The following NELL1 variants were observed in gnomAD, a reference collection of about 807,000 sequenced individuals.
NELL1 encodes neural EGFL like 1, also known as protein kinase C-binding protein NELL1.
Under a neutral mutation model 107.4 loss-of-function variants are expected in NELL1, and 76 were observed. The ratio of observed to expected loss-of-function variants is 0.71; its 90% CI spans 0.59 to 0.86. The LOEUF (loss-of-function observed/expected upper bound fraction) is 0.86. Ranked by LOEUF, NELL1 falls within the 40% of genes least tolerant of loss-of-function variation. The pLI is 0.00. For synonymous variants in NELL1, 353 were observed against 341.2 expected, an observed-to-expected ratio of 1.03 and a Z score of -0.38; for missense variants, 1,024 against 1,005.5, an observed-to-expected ratio of 1.02 and a Z score of -0.25.
intron 13 of NELL1, among the ~76,000 whole-genome samples, chr11:21,194,795 T>C (rs1288298710): frequency 6.6e-6 from 1 of 152,146 alleles, no homozygotes; most frequent in Non-Finnish European, 1.5e-5. Flanking sequence ...GGTAAACTGT[T>C]GAGGATGCAC....
intron 15 of NELL1, among the ~76,000 whole-genome samples, chr11:21,444,989 C>G (rs1488963151): frequency 6.6e-6 from 1 of 152,046 alleles, no homozygotes; most frequent in East Asian, 1.9e-4. Flanking sequence ...CCTTATAACC[C>G]ATTATTTTAA....
intron 15 of NELL1, among the ~76,000 whole-genome samples, chr11:21,490,986 A>C (rs1854792128): frequency 6.6e-6 from 1 of 152,174 alleles, no homozygotes; most frequent in African/African-American, 2.4e-5. Context: ...ATACAGCAAA[A>C]GAAACAATCA....
At chr11:20,910,231 A>G (rs1390345758) in intron 5 of NELL1, among the ~76,000 whole-genome samples, 6 of 152,152 alleles carry the variant, frequency 3.9e-5, no homozygotes, top group African/African-American at 2.4e-5. Context: ...CAATGTTTCA[A>G]GGTAGAGTAG....
intron 13 of NELL1, among the ~76,000 whole-genome samples, chr11:21,145,144 T>C (rs897294322): frequency 2.6e-5 from 4 of 152,170 alleles, no homozygotes; most frequent in Non-Finnish European, 5.9e-5. Flanking sequence ...ACTACTATTA[T>C]CATTTCTTGT....
intron 15 of NELL1, among the ~76,000 whole-genome samples, chr11:21,433,473 G>A (rs775020286): frequency 6.6e-6 from 1 of 152,070 alleles, no homozygotes; most frequent in Non-Finnish European, 1.5e-5. Context: ...AATAATGGCT[G>A]TATTAATTTA....
chr11:21,403,000 A>AACTGT (rs1852135731), intron 15 of NELL1, among the ~76,000 whole-genome samples: 1 of 151,730 alleles, frequency 6.6e-6, no homozygotes. Flanking sequence ...TCTTGTCAAT[A>AACTGT]ACTGTAGGGA....
chr11:20,674,534 G>C, intron 1 of NELL1: 2 of 1,535,838 alleles, frequency 1.3e-6, no homozygotes, highest in Non-Finnish European at 1.7e-6. Flanking sequence ...TGGAGAACTA[G>C]AGTTCTGAAG....
chr11:20,835,232 G>A (rs1387322356), intron 3 of NELL1, among the ~76,000 whole-genome samples: 2 of 152,196 alleles, frequency 1.3e-5, no homozygotes, highest in African/African-American at 4.8e-5. Context: ...TAAAGGTCAA[G>A]GATGTATTGT....
chr11:21,175,185 G>A (rs1791815), intron 13 of NELL1, among the ~76,000 whole-genome samples: 151,703 of 151,774 alleles, frequency 1, 75,817 homozygotes, highest in Middle Eastern at 1. Context: ...GCTGTTTCCC[G>A]TCAATTCTGC....
intron 15 of NELL1, among the ~76,000 whole-genome samples, chr11:21,525,600 A>C (rs889089884): frequency 2.0e-5 from 3 of 152,338 alleles, no homozygotes; most frequent in Middle Eastern, 3.4e-3. Flanking sequence ...GTTTCTTCTC[A>C]TGCTGCTAAT....
At chr11:21,393,841 G>C (rs935833982) in intron 15 of NELL1, among the ~76,000 whole-genome samples, 12 of 151,700 alleles carry the variant, frequency 7.9e-5, no homozygotes, top group South Asian at 4.1e-4. Context: ...TAACGTGCTA[G>C]GTGGTTGAGA....
intron 13 of NELL1, among the ~76,000 whole-genome samples, chr11:21,114,083 T>C (rs1488199009): frequency 6.6e-6 from 1 of 151,996 alleles, no homozygotes; most frequent in Non-Finnish European, 1.5e-5. Flanking sequence ...ATGTACTTTG[T>C]TCCCACTGGG....
rs1169582970 is a variant in NELL1, at chr11:21,229,434, G to C, written c.1529G>C (p.Gly510Ala). 6.2e-7 allele frequency: 1 copy of C among 1,613,910 alleles called. No individual in the cohort carries two copies. The highest frequency in any genetic ancestry group is 2.2e-5 in the East Asian group (1 of 44,800). ...HSCTCKPGYV[G>A]NGTICRAFCE... ...TGCACCTGCAAACCGGGCTACGTGG[G>C]GAACGGGACCATCTGCAGAGGTAGG... The change falls in exon 14 of 20, where the codon GGG becomes GCG. Residue 510 changes from glycine to alanine, a missense_variant. Transcript: ENST00000357134.
chr11:21,138,543 A>T (rs1855794981), intron 13 of NELL1, among the ~76,000 whole-genome samples: 1 of 152,152 alleles, frequency 6.6e-6, no homozygotes, highest in Admixed American at 6.5e-5. Flanking sequence ...CTGAAAACAA[A>T]GTCTGCCCCC....
chr11:21,273,607 T>C (rs1427616626), intron 14 of NELL1, among the ~76,000 whole-genome samples: 1 of 152,092 alleles, frequency 6.6e-6, no homozygotes, highest in Non-Finnish European at 1.5e-5. Context: ...ATTGTCAGAT[T>C]CACCAAAGTT....
At chr11:20,909,416 C>G (rs997264457) in intron 5 of NELL1, among the ~76,000 whole-genome samples, 1 of 152,144 alleles carries the variant, frequency 6.6e-6, no homozygotes, top group African/African-American at 2.4e-5. Context: ...TCATTTCTAA[C>G]AAGCTGCCAG....
chr11:21,353,048 A>AAC (rs1378216152), intron 14 of NELL1, among the ~76,000 whole-genome samples: 2 of 152,168 alleles, frequency 1.3e-5, no homozygotes, highest in Non-Finnish European at 2.9e-5. Context: ...TTTCCAGCTG[A>AAC]GAGTCTGAGT....
At chr11:20,815,903 A>C (rs141794197) in intron 3 of NELL1, among the ~76,000 whole-genome samples, 1 of 152,256 alleles carries the variant, frequency 6.6e-6, no homozygotes, top group Admixed American at 6.5e-5. Flanking sequence ...ACATTTATTG[A>C]ATGGGGAGCC....
At chr11:21,033,771 T>C (rs552559116) in intron 12 of NELL1, among the ~76,000 whole-genome samples, 1 of 152,326 alleles carries the variant, frequency 6.6e-6, no homozygotes, top group African/African-American at 2.4e-5. Context: ...ATAGAATTGC[T>C]GGGTCGAATG....
Sources: gnomAD v4.1 joint callset for allele counts (sites outside exome capture counted in the v4.1 genomes callset) on GRCh38, gnomAD v4.1.1 for gene constraint, MANE v1.5 for transcripts, NCBI Gene and HGNC (gene_info 2026-07-23, HGNC 2026-07-21) for gene names.